The following SLC17A3 variants were observed in gnomAD, a reference collection of about 807,000 sequenced individuals.
SLC17A3 encodes the protein solute carrier family 17 member 3.
Under a neutral mutation model 60.3 loss-of-function variants are expected in SLC17A3, and 61 were observed. That is an observed-to-expected ratio of 1.01 (90% CI 0.82 to 1.25). The LOEUF (loss-of-function observed/expected upper bound fraction) is 1.25, where lower values mean the gene tolerates loss of function less well. Among genes scored for constraint, SLC17A3 ranks in the 50% most tolerant of loss-of-function variants. The pLI, the probability that SLC17A3 is intolerant of heterozygous loss-of-function variation, is 0.00. For missense variants in SLC17A3, 624 were observed against 594.9 expected (o/e 1.05, Z -0.51); for synonymous variants, 192 against 208.9 (o/e 0.92, Z 0.70).
chr6:25,865,335 C>T (rs1227750666), intron 2 of SLC17A3, among the ~76,000 whole-genome samples: 2 of 151,922 alleles, frequency 1.3e-5, no homozygotes, highest in African/African-American at 2.4e-5. Context: ...GAGGATTCCC[C>T]TTATGGCTAT....
chr6:25,851,749 C>T (rs1489623977), intron 6 of SLC17A3, among the ~76,000 whole-genome samples: 3 of 152,020 alleles, frequency 2.0e-5, no homozygotes, highest in African/African-American at 7.2e-5. Context: ...TTTCATTGAT[C>T]TATTTGCCAA....
chr6:25,850,696 T>C, intron 7 of SLC17A3, 63 bp downstream of exon 7: 1 of 1,606,900 alleles, frequency 6.2e-7, no homozygotes, highest in Non-Finnish European at 8.5e-7. Flanking sequence ...AAAATCCAGA[T>C]TTAAGGCCTC....
At position 25,850,566 on chromosome 6, in the gene SLC17A3, T is replaced by G. The variant is rs1328812571; in HGVS notation, c.886A>C (p.Ile296Leu). ...AAACAGCCTAAACATATGGACCAAA[T>G]GGGTAGAGATCTGAGCATAGCTTTG... ...PIKAMLRSLPIWSICLGCFSH... is the reference protein window; with the variant it reads ...PIKAMLRSLPLWSICLGCFSH... Residue 296 changes from isoleucine to leucine, a missense_variant, in exon 8 of 13, where the codon ATT (isoleucine) becomes CTT (leucine). Ile to Leu is a conservative substitution (Grantham distance 5). Transcript: ENST00000397060. 6.2e-7 allele frequency: 1 copy of G among 1,613,846 alleles called. No individual in the cohort carries two copies. Among genetic ancestry groups the G allele is most frequent in the African/African-American group, 1.3e-5 (1 of 74,870 alleles).
chr6:25,845,619 T>C, intron 11 of SLC17A3, 103 bp from the exon 12 acceptor site: 1 of 1,321,058 alleles, frequency 7.6e-7, no homozygotes, highest in Non-Finnish European at 1.1e-6. Flanking sequence ...GGTTTCCTTG[T>C]AGAAATTCAT....
intron 1 of SLC17A3, among the ~76,000 whole-genome samples, chr6:25,873,930 C>G (rs1200245852): frequency 6.6e-6 from 1 of 152,142 alleles, no homozygotes; most frequent in Non-Finnish European, 1.5e-5. Flanking sequence ...TCTTCCATAG[C>G]TGCTACTGTC....
In SLC17A3 at chr6:25,845,424, A is replaced by G; in HGVS notation, c.1455T>C (p.Asp485=). 6.2e-7 allele frequency: 1 copy of G among 1,614,048 alleles called. No individual in the cohort carries two copies. The highest frequency in any genetic ancestry group is 8.5e-7 in the Non-Finnish European group (1 of 1,179,934). The change falls in exon 12 of 13, where the codon GAT becomes GAC. Residue 485 remains aspartate (D), a synonymous_variant. Transcript: ENST00000397060. ...LLFYLIFGEA[D]VQEWAKERKL... ...TTCTCTCTTTAGCCCATTCTTGGAC[A>G]TCTGCTTCTCCAAATATGAGGTAGA...
At position 25,849,929 on chromosome 6, in the gene SLC17A3, T is replaced by C; in HGVS notation, c.1147A>G (p.Ile383Val). 6.2e-7 allele frequency: 1 copy of C among 1,614,030 alleles called. No homozygotes were observed. Among genetic ancestry groups the C allele is most frequent in the Non-Finnish European group, 8.5e-7 (1 of 1,179,896 alleles). Reference sequence around the variant, plus strand: ...GAATTGAGGTAAGGCAGAGACACAATGAGTGCTGAAGAGGGGAGACTTCCT... The same window carrying C: ...GAATTGAGGTAAGGCAGAGACACAACGAGTGCTGAAGAGGGGAGACTTCCT... The part of the protein sequence containing the change: ...ILGSLPSSAL[I>V]VSLPYLNSGY... Residue 383 changes from isoleucine to valine, a missense_variant, in exon 10 of 13, where the codon ATT becomes GTT. Coordinates refer to ENST00000397060, the MANE Select transcript of SLC17A3 (RefSeq NM_001098486.2).
rs377627217 is a variant in SLC17A3 at position 25,861,860 on chromosome 6, G to C, written c.473C>G (p.Pro158Arg). The C allele has an allele frequency of 1.2e-6, 2 of 1,613,432 alleles. No homozygotes were observed. The highest frequency in any genetic ancestry group is 1.3e-5 in the African/African-American group (1 of 74,894). Residue 158 changes from proline (P) to arginine (R), a missense_variant, in exon 4 of 13, where the codon CCT (proline) becomes CGT (arginine). Pro to Arg is a moderately radical substitution (Grantham distance 103). Transcript: ENST00000397060. ...FATSFLTLCI[P>R]LATDFGIVLL... ...GACTATTCCAAAGTCAGTGGCCAGAGGGATGCATAGAGTGAGAAATGAAGT... is the reference window on the plus strand; with the variant it reads ...GACTATTCCAAAGTCAGTGGCCAGACGGATGCATAGAGTGAGAAATGAAGT...
chr6:25,849,296 CT>C, intron 11 of SLC17A3, 77 bp downstream of exon 11: 1 of 849,514 alleles, frequency 1.2e-6, no homozygotes, highest in East Asian at 2.6e-5. Context: ...ATTTTTCAGT[CT>C]TTGAATACAT....
chr6:25,867,653 T>C (rs1461837414), intron 2 of SLC17A3, among the ~76,000 whole-genome samples: 2 of 151,932 alleles, frequency 1.3e-5, no homozygotes, highest in African/African-American at 4.8e-5. Context: ...ACAAATTAAA[T>C]ATCCAGTCAC....
rs1765248852 is a variant in SLC17A3, at chr6:25,850,155, G to A, written c.1016C>T (p.Pro339Leu). The change falls in exon 9 of 13, where the codon CCT becomes CTT. Residue 339 changes from proline to leucine, a missense_variant. Coordinates refer to ENST00000397060, the MANE Select transcript of SLC17A3 (RefSeq NM_001098486.2). ...GCCTATGACCCAGGCAACAATAAAA[G>A]GAAGGGCAGATAGAAGTCCATTCTA... The part of the protein sequence containing the change: ...IRDNGLLSAL[P>L]FIVAWVIGMV... 6.2e-7 allele frequency: 1 copy of A among 1,613,490 alleles called. No homozygotes were observed. The highest frequency in any genetic ancestry group is 1.3e-5 in the African/African-American group (1 of 74,850).
chr6:25,846,200 G>A (rs966092921), intron 11 of SLC17A3, among the ~76,000 whole-genome samples: 9 of 152,028 alleles, frequency 5.9e-5, no homozygotes, highest in African/African-American at 2.2e-4. Flanking sequence ...ATTTGAAATA[G>A]ATAACCAGAA....
In SLC17A3 at chr6:25,862,319, G is replaced by A. The variant is rs1337416083; in HGVS notation, c.217C>T (p.Gln73Ter). 2 of 1,613,874 alleles carry A rather than the reference G, an allele frequency of 1.2e-6. No individual in the cohort carries two copies. Among genetic ancestry groups the A allele is most frequent in the Middle Eastern group, 1.6e-4 (1 of 6,062 alleles). ...TCAGAGGAATCATTGAGCTGGGATT[G>A]AGGGCTTGTGCTGTTGACCATGGCT... ...MVAMVNSTSP[Q>*]SQLNDSSEVL... The change falls in exon 3 of 13, where the codon CAA becomes TAA. Residue 73 changes from glutamine (Q) to a stop codon, truncating the protein, a stop_gained. Coordinates refer to ENST00000397060, the MANE Select transcript of SLC17A3 (RefSeq NM_001098486.2). LOFTEE classifies it high-confidence loss of function.
At chr6:25,866,829 A>T (rs1157295215) in intron 2 of SLC17A3, among the ~76,000 whole-genome samples, 1 of 152,040 alleles carries the variant, frequency 6.6e-6, no homozygotes, top group African/African-American at 2.4e-5. Context: ...TCATGTAATT[A>T]GTACTGCTAA....
rs767122254 is a variant in SLC17A3 at position 25,867,408 on chromosome 6, C to T, written c.91+889G>A. On this transcript the variant is annotated intron_variant, in intron 2 of 12. Transcript: ENST00000397060. ...TATTTTTGTTTGGATTAAAAACTAA[C>T]GTCTCTGTAGTGAACAAAGGAAATG... Among the ~76,000 whole-genome samples the T allele has an allele frequency of 1.8e-4, 27 of 152,038 alleles. 1 individual carries two copies. The highest frequency in any genetic ancestry group is 3.4e-3 in the Middle Eastern group (1 of 294).
At chr6:25,854,390 C>G (rs901071341) in intron 6 of SLC17A3, among the ~76,000 whole-genome samples, 5 of 151,864 alleles carry the variant, frequency 3.3e-5, no homozygotes, top group Admixed American at 1.3e-4. Context: ...TGTTCTGAAG[C>G]CATTCTTATC....
intron 1 of SLC17A3, among the ~76,000 whole-genome samples, chr6:25,869,147 C>T (rs186722778): frequency 7.6e-4 from 115 of 151,960 alleles, no homozygotes; most frequent in Non-Finnish European, 1.3e-3. Context: ...GAGGTTGTGA[C>T]CTTTTTGCAT....
chr6:25,869,842 C>G (rs1408604720), intron 1 of SLC17A3, among the ~76,000 whole-genome samples: 1 of 151,944 alleles, frequency 6.6e-6, no homozygotes, highest in Non-Finnish European at 1.5e-5. Context: ...CACATCCAAA[C>G]CATATCAGGA....
At chr6:25,852,169 T>G (rs1765288985) in intron 6 of SLC17A3, among the ~76,000 whole-genome samples, 1 of 152,120 alleles carries the variant, frequency 6.6e-6, no homozygotes, top group Non-Finnish European at 1.5e-5. Flanking sequence ...TTCCACTGCC[T>G]TCTCTCTTGC....
Sources: allele counts gnomAD v4.1 joint callset (sites outside exome capture counted in the v4.1 genomes callset), GRCh38; gene constraint gnomAD v4.1.1; transcripts MANE v1.5; gene names NCBI Gene and HGNC (gene_info 2026-07-23, HGNC 2026-07-21).